NCKAP5: variants seen among roughly 807,000 people sequenced by gnomAD.
The protein encoded by NCKAP5 is NCK associated protein 5.
NCKAP5 carries 92 observed loss-of-function variants against 167.0 expected under a neutral mutation model. That is an observed-to-expected ratio of 0.55 (90% CI 0.47 to 0.66). The LOEUF (loss-of-function observed/expected upper bound fraction) is 0.66, where lower values mean the gene tolerates loss of function less well. NCKAP5 is among the 30% of genes least tolerant of loss of function. NCKAP5 has a pLI of 0.00. For synonymous variants in NCKAP5, 891 were observed against 877.4 expected, an observed-to-expected ratio of 1.02 and a Z score of -0.27; for missense variants, 2,378 against 2,315.0, an observed-to-expected ratio of 1.03 and a Z score of -0.56.
rs146838724 is a variant in NCKAP5, at chr2:132,815,809, G to C, written c.808-19080C>G. On this transcript the variant is annotated intron_variant, in intron 11 of 19. Coordinates refer to ENST00000409261, the MANE Select transcript of NCKAP5 (RefSeq NM_207363.3). Reference sequence around the variant, plus strand: ...TAATGTTAACTGCCTTATCAAAATAGCTCAATTGATTGGAATCCAATAGAC... The same window carrying C: ...TAATGTTAACTGCCTTATCAAAATACCTCAATTGATTGGAATCCAATAGAC... 1.4e-3 allele frequency among the ~76,000 whole-genome samples: 215 copies of C among 152,308 alleles called. 1 individual carries two copies. The highest frequency in any genetic ancestry group is 4.9e-3 in the African/African-American group (204 of 41,564).
chr2:132,783,362 A>C lies in NCKAP5; in HGVS notation c.3449T>G (p.Leu1150Arg). The change falls in exon 14 of 20, where the codon CTC becomes CGC. Residue 1150 changes from leucine (L) to arginine (R), a missense_variant. Leu to Arg is a moderately radical substitution (Grantham distance 102). This residue lies in a region of NCKAP5 where 1,325 missense variants were observed against 1,274.5 expected (regional missense o/e 1.04). Transcript: ENST00000409261. ...CTGGGGAGACTTCATGAGCACTTTG[A>C]GTCCCACTGGAAGGCGAGTTTTCAG... ...KGLKTRLPVG[L>R]KVLMKSPQLL... is the part of the protein sequence containing the mutation. 1.2e-6 allele frequency: 2 copies of C among 1,611,488 alleles called. No individual in the cohort carries two copies. The highest frequency in any genetic ancestry group is 2.2e-5 in the South Asian group (2 of 90,638).
At chr2:132,938,922 C>G (rs554266384) in intron 8 of NCKAP5, among the ~76,000 whole-genome samples, 10 of 152,086 alleles carry the variant, frequency 6.6e-5, no homozygotes, top group Non-Finnish European at 1.2e-4. Context: ...CTTCCAAGTA[C>G]AGCTGCAACA....
chr2:132,867,121 A>AT (rs11325778), intron 10 of NCKAP5, among the ~76,000 whole-genome samples: 33 of 149,330 alleles, frequency 2.2e-4, no homozygotes, highest in South Asian at 6.4e-4. Context: ...TTGTGTAGCT[A>AT]TTTTTTTTTT....
intron 3 of NCKAP5, among the ~76,000 whole-genome samples, chr2:133,429,296 T>C (rs1273841338): frequency 6.6e-6 from 1 of 151,692 alleles, no homozygotes; most frequent in Non-Finnish European, 1.5e-5. Context: ...GGAGCTACTT[T>C]TTTTTAATTT....
the NCKAP5 span, among the ~76,000 whole-genome samples, chr2:133,627,702 G>T: frequency 6.6e-6 from 1 of 152,132 alleles, no homozygotes; most frequent in African/African-American, 2.4e-5. Context: ...AAAGAAAAAA[G>T]AAAGAAAGAA....
chr2:133,142,430 C>T (rs1451073476), intron 5 of NCKAP5, among the ~76,000 whole-genome samples: 1 of 152,184 alleles, frequency 6.6e-6, no homozygotes, highest in Non-Finnish European at 1.5e-5. Context: ...GAAACGCTTA[C>T]ATCATGACTG....
At chr2:132,994,102 A>T in intron 7 of NCKAP5, 50 bp downstream of exon 7, 2 of 1,348,450 alleles carry the variant, frequency 1.5e-6, no homozygotes, top group South Asian at 2.7e-5. Flanking sequence ...GAGAAATACA[A>T]GAAAAACAAG....
chr2:133,082,475 G>A (rs2080843032), intron 6 of NCKAP5, among the ~76,000 whole-genome samples: 1 of 152,156 alleles, frequency 6.6e-6, no homozygotes, highest in Non-Finnish European at 1.5e-5. Flanking sequence ...AGCTTTACAG[G>A]TGGGTGGGTG....
Position 133,313,298 on chromosome 2 carries a change from T to C in NCKAP5, c.70-10188A>G, listed in dbSNP as rs148255631. Among the ~76,000 whole-genome samples the C allele has an allele frequency of 2.4e-3, 360 of 152,322 alleles. 4 individuals are homozygous for C. The highest frequency in any genetic ancestry group is 6.8e-3 in the Middle Eastern group (2 of 294). ...TTGGGCATCTGTGTAAGTTTGGCTT[T>C]GGTTCCACTTTGATTTCCCTGCCCT... is the stretch of plus-strand genomic sequence containing the variant. On this transcript the variant is annotated intron_variant, in intron 3 of 19. Transcript: ENST00000409261.
intron 3 of NCKAP5, among the ~76,000 whole-genome samples, chr2:133,351,677 AC>A (rs1209466613): frequency 1.3e-5 from 2 of 151,978 alleles, no homozygotes; most frequent in African/African-American, 4.8e-5. Context: ...CTGTGCCCCC[AC>A]CCCAGGACTT....
intron 2 of NCKAP5, among the ~76,000 whole-genome samples, chr2:133,538,512 T>G (rs998657135): frequency 6.6e-6 from 1 of 152,006 alleles, no homozygotes; most frequent in Non-Finnish European, 1.5e-5. Context: ...GTAGGTAAAT[T>G]CCCTGGCATA....
At chr2:133,070,844 CATA>C (rs1431037684) in intron 6 of NCKAP5, among the ~76,000 whole-genome samples, 2 of 152,094 alleles carry the variant, frequency 1.3e-5, no homozygotes, top group Non-Finnish European at 2.9e-5. Flanking sequence ...TGTATAAATA[CATA>C]TAGTACACGC....
At chr2:132,929,177 C>T (rs1360317561) in intron 8 of NCKAP5, among the ~76,000 whole-genome samples, 2 of 152,126 alleles carry the variant, frequency 1.3e-5, no homozygotes, top group East Asian at 1.9e-4. Flanking sequence ...AATCTGCCAG[C>T]ACGTTGATTT....
At chr2:133,391,369 AG>A (rs1687392080) in intron 3 of NCKAP5, 1 of 156,372 alleles carries the variant, frequency 6.4e-6, no homozygotes, top group Non-Finnish European at 1.5e-5. Context: ...AATGGGGGAC[AG>A]ATATCACAGC....
At chr2:133,557,336 T>C (rs904419726) in intron 2 of NCKAP5, among the ~76,000 whole-genome samples, 8 of 152,176 alleles carry the variant, frequency 5.3e-5, no homozygotes, top group African/African-American at 1.9e-4. Flanking sequence ...TTCATGAGCA[T>C]CAGTCACCTC....
chr2:132,687,259 C>A (rs534061255), intron 19 of NCKAP5, among the ~76,000 whole-genome samples: 94 of 152,252 alleles, frequency 6.2e-4, no homozygotes, highest in African/African-American at 2.2e-3. Context: ...CTCTGCAGAT[C>A]TTTAGCCTGG....
intron 8 of NCKAP5, among the ~76,000 whole-genome samples, chr2:132,882,682 T>G (rs994831111): frequency 6.6e-6 from 1 of 152,222 alleles, no homozygotes; most frequent in Non-Finnish European, 1.5e-5. Flanking sequence ...TTGTTTCTGA[T>G]AGTATTCAAA....
chr2:133,283,503 G>A (rs1574597297), intron 4 of NCKAP5, among the ~76,000 whole-genome samples: 1 of 151,830 alleles, frequency 6.6e-6, no homozygotes, highest in East Asian at 1.9e-4. Context: ...ATTTTTAAAT[G>A]GCTATTTGAT....
chr2:133,052,702 A>C (rs564950424), intron 6 of NCKAP5, among the ~76,000 whole-genome samples: 2 of 151,806 alleles, frequency 1.3e-5, no homozygotes, highest in Non-Finnish European at 2.9e-5. Context: ...TGGGCGACAA[A>C]AGAGAAACTC....
Sources: gnomAD v4.1 joint callset for allele counts (sites outside exome capture counted in the v4.1 genomes callset) on GRCh38, gnomAD v4.1.1 for gene constraint, gnomAD v4.1.1 regional missense constraint, MANE v1.5 for transcripts, NCBI Gene and HGNC (gene_info 2026-07-23, HGNC 2026-07-21) for gene names.